RMDN1: variants seen among roughly 807,000 people sequenced by gnomAD.
RMDN1 encodes the protein regulator of microtubule dynamics protein 1.
RMDN1 carries 48 observed loss-of-function variants against 48.9 expected under a neutral mutation model. The ratio of observed to expected loss-of-function variants is 0.98; its 90% CI spans 0.78 to 1.25. The LOEUF is 1.25. Ranked by LOEUF, RMDN1 falls within the 50% of genes most tolerant of loss-of-function variation. RMDN1 has a pLI of 0.00. For missense variants in RMDN1, 418 were observed against 373.4 expected (o/e 1.12, Z -0.98); for synonymous variants, 148 against 132.6 (o/e 1.12, Z -0.80).
At chr8:86,489,710 A>C (rs949328557) in intron 2 of RMDN1, among the ~76,000 whole-genome samples, 1 of 151,946 alleles carries the variant, frequency 6.6e-6, no homozygotes, top group Non-Finnish European at 1.5e-5. Flanking sequence ...TGCGCCTGTA[A>C]TCCCAGCTAC....
At chr8:86,470,155 A>G (rs774130177), downstream of RMDN1, 17 of 1,286,916 alleles carry the variant, frequency 1.3e-5, no homozygotes, top group South Asian at 2.5e-5. Context: ...GGAAACATCT[A>G]TAATGGAGAG....
intron 8 of RMDN1, among the ~76,000 whole-genome samples, chr8:86,475,414 TG>T (rs1252430142): frequency 1.3e-5 from 2 of 152,192 alleles, no homozygotes; most frequent in Non-Finnish European, 2.9e-5. Flanking sequence ...CAACATTTAC[TG>T]GATGTCAGCT....
intron 2 of RMDN1, among the ~76,000 whole-genome samples, chr8:86,496,968 T>C (rs2131076900): frequency 6.6e-6 from 1 of 150,644 alleles, no homozygotes. Context: ...TCAATAAAAA[T>C]AGAAATCAAT....
chr8:86,493,266 G>A (rs565844341), intron 2 of RMDN1, among the ~76,000 whole-genome samples: 5 of 152,186 alleles, frequency 3.3e-5, no homozygotes, highest in South Asian at 4.2e-4. Flanking sequence ...CAACAGGGAG[G>A]TTCCTCAAAA....
chr8:86,472,270 C>A, downstream of RMDN1: 1 of 605,354 alleles, frequency 1.7e-6, no homozygotes, highest in Admixed American at 3.0e-5. Flanking sequence ...CTCCATAATT[C>A]AAAACTTTCT....
chr8:86,485,697 A>G (rs1362957698), intron 4 of RMDN1, among the ~76,000 whole-genome samples: 1 of 152,078 alleles, frequency 6.6e-6, no homozygotes, highest in Admixed American at 6.5e-5. Context: ...CCACAGCCAC[A>G]GTTGGACGGC....
chr8:86,509,671 CTG>C (rs1229543043), upstream of RMDN1, among the ~76,000 whole-genome samples: 2 of 152,162 alleles, frequency 1.3e-5, no homozygotes, highest in Non-Finnish European at 2.9e-5. Context: ...AATGAAAAAA[CTG>C]TAACTCAAAG....
chr8:86,499,587 C>T (rs1817886442), intron 2 of RMDN1, among the ~76,000 whole-genome samples: 1 of 151,934 alleles, frequency 6.6e-6, no homozygotes, highest in Admixed American at 6.6e-5. Context: ...CAGGAAGAAT[C>T]AATATTGATA....
intron 2 of RMDN1, among the ~76,000 whole-genome samples, chr8:86,496,715 A>G (rs1817415217): frequency 6.6e-6 from 1 of 152,222 alleles, no homozygotes; most frequent in African/African-American, 2.4e-5. Context: ...CACTCCATTG[A>G]CAGTGCTACA....
Position 86,507,060 on chromosome 8 carries a change from G to A in RMDN1, c.182C>T (p.Ser61Leu), listed in dbSNP as rs201398701. ...CTGGTAAGTTTCAAAACCCAAATAC[G>A]ACAAAGCTGAGAGTAAAAGGCCTCT... ...FKRGLLLSAL[S>L]YLGFETYQVI... is the part of the protein sequence containing the mutation. Residue 61 changes from serine to leucine, a missense_variant, in exon 2 of 10, where the codon TCG becomes TTG. Physicochemically the swap from Ser to Leu is moderately radical, Grantham distance 145. Coordinates refer to ENST00000406452, the MANE Select transcript of RMDN1 (RefSeq NM_016033.3). 1.1e-5 allele frequency: 18 copies of A among 1,613,048 alleles called. No individual in the cohort carries two copies. The highest frequency in any genetic ancestry group is 4.0e-5 in the African/African-American group (3 of 74,872).
At chr8:86,506,148 T>G (rs1460588808) in intron 2 of RMDN1, among the ~76,000 whole-genome samples, 1 of 152,192 alleles carries the variant, frequency 6.6e-6, no homozygotes, top group Non-Finnish European at 1.5e-5. Flanking sequence ...ACCTATCTGG[T>G]GGGAGAGCCA....
intron 5 of RMDN1, 100 bp from the exon 6 acceptor site, chr8:86,480,432 A>G: frequency 3.4e-6 from 2 of 590,876 alleles, no homozygotes; most frequent in South Asian, 2.7e-5. Context: ...AAAAAATGCA[A>G]CTGTGTGTTT....
At chr8:86,470,408 C>T (rs1188304105), downstream of RMDN1, 34 of 1,279,894 alleles carry the variant, frequency 2.7e-5, no homozygotes, top group Non-Finnish European at 3.4e-5. Flanking sequence ...GGGAATCAGG[C>T]TCCTGGGAAG....
At chr8:86,508,821 G>A, upstream of RMDN1, 2 of 1,288,640 alleles carry the variant, frequency 1.6e-6, no homozygotes, top group Non-Finnish European at 2.0e-6. Context: ...CCCCGATTGG[G>A]TGGGACTTAA....
chr8:86,499,194 T>C (rs540985308), intron 2 of RMDN1, among the ~76,000 whole-genome samples: 222 of 152,254 alleles, frequency 1.5e-3, no homozygotes, highest in African/African-American at 5.0e-3. Flanking sequence ...CTTTTAAATA[T>C]AGTACTGGAA....
rs557242713 is a variant in RMDN1, at chr8:86,506,201, C to T, written c.247+794G>A. Among the ~76,000 whole-genome samples, 3 of 152,166 alleles carry T rather than the reference C, an allele frequency of 2.0e-5. No homozygotes were observed. The South Asian group carries it at 6.2e-4, about 32-fold the overall frequency. ...AAATAATCAGTTCTTGGTAGAGATT[C>T]ATTATTTCTCCATTTTGTGCTTTAG... On this transcript the variant is annotated intron_variant, in intron 2 of 9. Transcript: ENST00000406452.
In RMDN1 at chr8:86,477,330, A is replaced by C. The variant is rs1269237370; in HGVS notation, c.730-6T>G. On this transcript the variant is annotated splice_polypyrimidine_tract_variant and splice_region_variant and intron_variant, in intron 7 of 9. Coordinates refer to ENST00000406452, the MANE Select transcript of RMDN1 (RefSeq NM_016033.3). ...CTGTGAAAGTAGCCTAAGGCCTGTC[A>C]AAAACACAAAGAGCCCAAACATAAT... 5 of 1,581,092 alleles carry C rather than the reference A, an allele frequency of 3.2e-6. No homozygotes were observed. The highest frequency in any genetic ancestry group is 3.4e-6 in the Non-Finnish European group (4 of 1,166,500).
chr8:86,500,192 T>A lies in RMDN1; in HGVS notation c.247+6803A>T, dbSNP rs190072040. Among the ~76,000 whole-genome samples the A allele has an allele frequency of 7.2e-5, 11 of 152,202 alleles. No homozygotes were observed. In the East Asian group the frequency reaches 2.1e-3, roughly 29 times the overall value. ...CAAAAATAGGTAAATGGGACCTAAC[T>A]AAAGAGCTTCTATATAGCAAAAGAA... is the stretch of plus-strand genomic sequence containing the variant. On this transcript the variant is annotated intron_variant, in intron 2 of 9. Coordinates refer to ENST00000406452, the MANE Select transcript of RMDN1 (RefSeq NM_016033.3).
intron 2 of RMDN1, among the ~76,000 whole-genome samples, chr8:86,499,847 G>A (rs1192759105): frequency 6.6e-6 from 1 of 152,096 alleles, no homozygotes; most frequent in East Asian, 1.9e-4. Flanking sequence ...TGACACATAG[G>A]CCATGGAACA....
Sources: gnomAD v4.1 joint callset for allele counts (sites outside exome capture counted in the v4.1 genomes callset) on GRCh38, gnomAD v4.1.1 for gene constraint, MANE v1.5 for transcripts, NCBI Gene and HGNC (gene_info 2026-07-23, HGNC 2026-07-21) for gene names.